COL23A1: variants seen among roughly 807,000 people sequenced by gnomAD.
The protein encoded by COL23A1 is collagen type XXIII alpha 1 chain, also known as collagen alpha-1(XXIII) chain.
A neutral mutation model predicts 99.3 loss-of-function variants in COL23A1; 97 were observed. The observed-to-expected ratio is 0.98, with a 90% CI of 0.83 to 1.16. The LOEUF (loss-of-function observed/expected upper bound fraction) is 1.16, where lower values mean the gene tolerates loss of function less well. Ranked by LOEUF, COL23A1 falls within the 50% of genes most tolerant of loss-of-function variation. The probability of loss-of-function intolerance (pLI) is 0.00; values close to 1 mark genes in which losing one functional copy is unlikely to be tolerated. For synonymous variants in COL23A1, 320 were observed against 308.2 expected (o/e 1.04, Z -0.40); for missense variants, 762 against 757.4 (o/e 1.01, Z -0.07).
In COL23A1 at chr5:178,350,500, G is replaced by A. The variant is rs375267358; in HGVS notation, c.362-43581C>T. On this transcript the variant is annotated intron_variant, in intron 2 of 28. Transcript: ENST00000390654. ...ACAGAGGGGTGGCTGGGCCCAGCGC[G>A]ATGTCAGGACTCTGCAATGTGGGGA... 3.3e-5 allele frequency among the ~76,000 whole-genome samples: 5 copies of A among 152,286 alleles called. No individual in the cohort carries two copies. In the East Asian group the frequency reaches 5.8e-4, roughly 18 times the overall value.
chr5:178,323,757 C>G (rs1759480023), intron 2 of COL23A1, among the ~76,000 whole-genome samples: 1 of 152,144 alleles, frequency 6.6e-6, no homozygotes, highest in Non-Finnish European at 1.5e-5. Flanking sequence ...GGAGGTGGCT[C>G]CCACATGTGG....
At chr5:178,502,170 CG>C (rs1351612622) in intron 2 of COL23A1, among the ~76,000 whole-genome samples, 1 of 152,170 alleles carries the variant, frequency 6.6e-6, no homozygotes, top group African/African-American at 2.4e-5. Flanking sequence ...CTCGCTCTGT[CG>C]CCCAGGCTGG....
chr5:178,574,518 C>T (rs1403145295), intron 1 of COL23A1, among the ~76,000 whole-genome samples: 10 of 152,122 alleles, frequency 6.6e-5, no homozygotes, highest in African/African-American at 2.2e-4. Flanking sequence ...CTACTCGCCA[C>T]GGGGTTGGAT....
intron 2 of COL23A1, among the ~76,000 whole-genome samples, chr5:178,557,012 G>T (rs1469863031): frequency 6.6e-6 from 1 of 152,172 alleles, no homozygotes; most frequent in Non-Finnish European, 1.5e-5. Flanking sequence ...ACACAGGTCT[G>T]CCGTGGCAAA....
At chr5:178,265,696 TA>T in intron 8 of COL23A1, 1 of 985,858 alleles carries the variant, frequency 1.0e-6, no homozygotes, top group African/African-American at 1.7e-5. Flanking sequence ...TCTCTACTTA[TA>T]AAGCCCGGAT....
At chr5:178,379,613 G>A (rs1763266207) in intron 2 of COL23A1, among the ~76,000 whole-genome samples, 1 of 152,188 alleles carries the variant, frequency 6.6e-6, no homozygotes, top group Non-Finnish European at 1.5e-5. Flanking sequence ...TGGGTGTGGT[G>A]GCTCACACCT....
At chr5:178,579,423 G>A (rs1395284304) in intron 1 of COL23A1, among the ~76,000 whole-genome samples, 2 of 152,166 alleles carry the variant, frequency 1.3e-5, no homozygotes, top group Non-Finnish European at 2.9e-5. Context: ...GCAGTGCTGG[G>A]ATGTGAACCT....
intron 1 of COL23A1, among the ~76,000 whole-genome samples, chr5:178,575,457 C>T (rs1203203303): frequency 1.3e-5 from 2 of 152,146 alleles, no homozygotes; most frequent in African/African-American, 2.4e-5. Flanking sequence ...TGTTAATTTG[C>T]CGTTCACAAC....
chr5:178,472,035 T>C (rs1756781248), intron 2 of COL23A1, among the ~76,000 whole-genome samples: 1 of 152,196 alleles, frequency 6.6e-6, no homozygotes, highest in Admixed American at 6.5e-5. Flanking sequence ...CTCACACCTC[T>C]AATCCCGGTG....
chr5:178,502,412 T>C (rs373802136), intron 2 of COL23A1, among the ~76,000 whole-genome samples: 1 of 152,234 alleles, frequency 6.6e-6, no homozygotes, highest in East Asian at 1.9e-4. Flanking sequence ...ATTACAGGCG[T>C]GAGCCACTGC....
At chr5:178,408,389 A>T (rs1764868721) in intron 2 of COL23A1, among the ~76,000 whole-genome samples, 1 of 152,246 alleles carries the variant, frequency 6.6e-6, no homozygotes, top group African/African-American at 2.4e-5. Flanking sequence ...GAGAAAGAAC[A>T]CAGTAAGCAA....
chr5:178,373,705 C>G (rs185787659), intron 2 of COL23A1, among the ~76,000 whole-genome samples: 2 of 152,218 alleles, frequency 1.3e-5, no homozygotes, highest in Non-Finnish European at 2.9e-5. Context: ...TGTGAGCCAC[C>G]GTCCTTGGCC....
rs1004521873 is a variant in COL23A1, at chr5:178,589,333, C to T, written c.294+571G>A. On this transcript the variant is annotated intron_variant, in intron 1 of 28. Coordinates refer to ENST00000390654, the MANE Select transcript of COL23A1 (RefSeq NM_173465.4). This position sits in a 1 kb window ranked among gnomAD's most constrained non-coding sequence, Gnocchi z 5.4. ...CTCATCTTACCAAGTCATGTGGGCG[C>T]CCCCACCCCCATCCCCGAGGCCTCA... 9.9e-5 allele frequency among the ~76,000 whole-genome samples: 15 copies of T among 152,096 alleles called. No homozygotes were observed. The highest frequency in any genetic ancestry group is 3.1e-4 in the African/African-American group (13 of 41,426).
intron 2 of COL23A1, among the ~76,000 whole-genome samples, chr5:178,513,583 A>G (rs1389323385): frequency 6.6e-6 from 1 of 152,162 alleles, no homozygotes; most frequent in Non-Finnish European, 1.5e-5. Flanking sequence ...CTGGGTGGTT[A>G]GCAAAAGTCA....
chr5:178,529,017 G>C (rs981450953), intron 2 of COL23A1, among the ~76,000 whole-genome samples: 1 of 152,234 alleles, frequency 6.6e-6, no homozygotes, highest in Non-Finnish European at 1.5e-5. Context: ...TGTTTCTCAG[G>C]ATTCTATGGC....
chr5:178,372,236 T>C (rs888933985), intron 2 of COL23A1, among the ~76,000 whole-genome samples: 17 of 152,212 alleles, frequency 1.1e-4, no homozygotes, highest in African/African-American at 3.4e-4. Flanking sequence ...CGAGAGAGTG[T>C]TGCCCAGGAG....
chr5:178,244,533 G>C (rs1007992352), intron 25 of COL23A1, among the ~76,000 whole-genome samples: 2 of 152,186 alleles, frequency 1.3e-5, no homozygotes, highest in African/African-American at 4.8e-5. Flanking sequence ...TAGAACACTG[G>C]AGTTCTACTC....
chr5:178,526,404 C>T (rs1161297831), intron 2 of COL23A1, among the ~76,000 whole-genome samples: 4 of 152,160 alleles, frequency 2.6e-5, no homozygotes, highest in Non-Finnish European at 5.9e-5. Context: ...CTATGGGACT[C>T]TGCTGGCATG....
chr5:178,542,014 C>A (rs1368352966), intron 2 of COL23A1, among the ~76,000 whole-genome samples: 1 of 152,126 alleles, frequency 6.6e-6, no homozygotes, highest in Admixed American at 6.6e-5. Context: ...TTGCTTGTAG[C>A]AGGTTACATC....
Sources: allele counts gnomAD v4.1 joint callset (sites outside exome capture counted in the v4.1 genomes callset), GRCh38; gene constraint gnomAD v4.1.1; non-coding constraint Gnocchi (gnomAD v3.1); transcripts MANE v1.5; gene names NCBI Gene and HGNC (gene_info 2026-07-23, HGNC 2026-07-21).